LTBR: variants seen among roughly 807,000 people sequenced by gnomAD.
The protein encoded by LTBR is lymphotoxin beta receptor, also known as tumor necrosis factor receptor superfamily member 3.
LTBR carries 15 observed loss-of-function variants against 45.4 expected under a neutral mutation model. The ratio of observed to expected loss-of-function variants is 0.33; its 90% CI spans 0.22 to 0.51. The LOEUF (loss-of-function observed/expected upper bound fraction) is 0.51, where lower values mean the gene tolerates loss of function less well. Among genes scored for constraint, LTBR ranks in the 20% least tolerant of loss-of-function variants. LTBR has a pLI of 0.97. For synonymous variants in LTBR, 228 were observed against 231.0 expected, an observed-to-expected ratio of 0.99 and a Z score of 0.12; for missense variants, 450 against 565.5, an observed-to-expected ratio of 0.80 and a Z score of 2.07.
At chr12:6,390,578 C>A in intron 9 of LTBR, 82 bp from the exon 10 acceptor site, 1 of 1,387,362 alleles carries the variant, frequency 7.2e-7, no homozygotes, top group Non-Finnish European at 9.7e-7. Flanking sequence ...AGGGGAAAGG[C>A]GAGAAGAAGG....
chr12:6,385,270 G>C lies in LTBR; in HGVS notation c.363G>C (p.Lys121Asn). 6.2e-7 allele frequency: 1 copy of C among 1,614,092 alleles called. No individual in the cohort carries two copies. The highest frequency in any genetic ancestry group is 8.5e-7 in the Non-Finnish European group (1 of 1,180,022). The change falls in exon 4 of 10, where the codon AAG (lysine) becomes AAC (asparagine). Residue 121 changes from lysine to asparagine, a missense_variant. Coordinates refer to ENST00000228918, the MANE Select transcript of LTBR (RefSeq NM_002342.3). ...TTGCCCCCTGCACAAGCAAACGGAA[G>C]ACCCAGTGCCGCTGCCAGCCGGGAA... Reference protein sequence around the residue: ...EEIAPCTSKRKTQCRCQPGMF... With the variant: ...EEIAPCTSKRNTQCRCQPGMF...
At chr12:6,384,861 G>A (rs1949020635) in intron 2 of LTBR, 161 bp from the exon 3 acceptor site, 3 of 1,044,748 alleles carry the variant, frequency 2.9e-6, no homozygotes, top group African/African-American at 1.6e-5. Context: ...TCCCCACTGG[G>A]CCTCCTCTTT....
At position 6,388,907 on chromosome 12, in the gene LTBR, C is replaced by T; in HGVS notation, c.801+82C>T. ...GTGGAGCAGACAGGAAGAGAGTATG[C>T]AGGCTGACTCCACACTCATTCATTC... On this transcript the variant is annotated intron_variant, in intron 8 of 9. Coordinates refer to ENST00000228918, the MANE Select transcript of LTBR (RefSeq NM_002342.3). The surrounding 1 kb of genome is among the most constrained non-coding windows in gnomAD (Gnocchi z 4.3). 6.7e-7 allele frequency: 1 copy of T among 1,496,384 alleles called. No homozygotes were observed. The highest frequency in any genetic ancestry group is 9.3e-7 in the Non-Finnish European group (1 of 1,075,846). The allele number at this position is 1,496,384 out of a possible 1,614,324, so 92.7% of individuals were successfully genotyped here.
At chr12:6,376,286 C>T (rs1275371247) in intron 1 of LTBR, 1 of 650,968 alleles carries the variant, frequency 1.5e-6, no homozygotes, top group African/African-American at 2.0e-5. Context: ...CCGGGAGGGG[C>T]CCAGGTGAAG....
chr12:6,384,203 C>T lies in LTBR; in HGVS notation c.-156C>T. 1 of 1,317,130 alleles carries T rather than the reference C, an allele frequency of 7.6e-7. No individual in the cohort carries two copies. Among genetic ancestry groups the T allele is most frequent in the African/African-American group, 1.5e-5 (1 of 64,846 alleles). 81.6% of individuals were successfully genotyped at this position (1,317,130 alleles called of 1,614,324 possible). ...CTCCGCCATGGGAGCCCTGGAGGCCCGGCCTGGCCGCTCCCGGCCCTGGGG... is the reference window on the plus strand; with the variant it reads ...CTCCGCCATGGGAGCCCTGGAGGCCTGGCCTGGCCGCTCCCGGCCCTGGGG... On this transcript the variant is annotated 5_prime_UTR_variant, in exon 1 of 10. Transcript: ENST00000228918.
At chr12:6,384,728 C>T (rs1457696502) in intron 2 of LTBR, 44 bp downstream of exon 2, 1 of 1,569,488 alleles carries the variant, frequency 6.4e-7, no homozygotes, top group Non-Finnish European at 8.8e-7. Flanking sequence ...GGAAGTGGGT[C>T]ACGGGGGCTC....
chr12:6,390,815 C>A lies in LTBR; in HGVS notation c.1186C>A (p.Pro396Thr), dbSNP rs1949104883. The A allele has an allele frequency of 6.2e-7, 1 of 1,611,552 alleles. No individual in the cohort carries two copies. Among genetic ancestry groups the A allele is most frequent in the Non-Finnish European group, 8.5e-7 (1 of 1,178,712 alleles). ...CATTCCCGAAGAGGGGGACCCTGGC[C>A]CTCCCGGGCTCTCTACACCCCACCA... ...YPIPEEGDPGPPGLSTPHQED... is the reference protein window; with the variant it reads ...YPIPEEGDPGTPGLSTPHQED... The change falls in exon 10 of 10, where the codon CCT becomes ACT. Residue 396 changes from proline (P) to threonine (T), a missense_variant. Physicochemically the swap from Pro to Thr is conservative, Grantham distance 38 (BLOSUM62 -1). This residue lies in a region of LTBR where 71 missense variants were observed against 90.4 expected (regional missense o/e 0.79). Coordinates refer to ENST00000228918, the MANE Select transcript of LTBR (RefSeq NM_002342.3).
chr12:6,390,213 T>C lies in LTBR; in HGVS notation c.903T>C (p.Val301=). Residue 301 remains valine, a synonymous_variant, in exon 9 of 10, where the codon GTT becomes GTC. Transcript: ENST00000228918. ...VQPLLPISGD[V]SPVSTGLPAA... ...CACTGCTACCCATTTCTGGAGATGTTTCCCCAGTATCCACTGGGCTCCCCG... is the reference window on the plus strand; with the variant it reads ...CACTGCTACCCATTTCTGGAGATGTCTCCCCAGTATCCACTGGGCTCCCCG... 1 of 1,614,050 alleles carries C rather than the reference T, an allele frequency of 6.2e-7. No homozygotes were observed. Among genetic ancestry groups the C allele is most frequent in the Non-Finnish European group, 8.5e-7 (1 of 1,179,974 alleles).
chr12:6,386,134 C>G lies in LTBR; in HGVS notation c.541C>G (p.Pro181Ala). Reference protein sequence around the residue: ...KAGHFQNTSSPSARCQPHTRC... With the variant: ...KAGHFQNTSSASARCQPHTRC... ...CGGGCACTTCCAGAATACCTCCTCC[C>G]CCAGCGCCCGCTGCCAGCCCCACAC... is the stretch of plus-strand genomic sequence containing the variant. The change falls in exon 5 of 10, where the codon CCC becomes GCC. Residue 181 changes from proline (P) to alanine (A), a missense_variant. Physicochemically the swap from Pro to Ala is conservative, Grantham distance 27. Around this residue, in one of 3 missense-constraint regions of LTBR, gnomAD observed 367 missense variants for 435.4 expected, o/e 0.84. Coordinates refer to ENST00000228918, the MANE Select transcript of LTBR (RefSeq NM_002342.3). The surrounding 1 kb of genome is among the most constrained non-coding windows in gnomAD (Gnocchi z 4.1). 3 of 1,613,664 alleles carry G rather than the reference C, an allele frequency of 1.9e-6. No homozygotes were observed. Among genetic ancestry groups the G allele is most frequent in the Non-Finnish European group, 2.5e-6 (3 of 1,179,700 alleles).
In LTBR at chr12:6,375,918, G is replaced by A. The variant is rs547756812; in HGVS notation, c.39+324G>A. ...GGAGACAATAGAGAGGGACAGCGAA[G>A]GACAGAGAGATAGGGATGGAGGAGG... On this transcript the variant is annotated intron_variant, in intron 1 of 9. Transcript: ENST00000539925. The A allele has an allele frequency of 2.0e-5, 23 of 1,159,514 alleles. 1 individual carries two copies. Among genetic ancestry groups the A allele is most frequent in the African/African-American group, 8.1e-5 (5 of 61,824 alleles). The allele number at this position is 1,159,514 out of a possible 1,614,324, so 71.8% of individuals were successfully genotyped here. A position where few individuals can be genotyped will look rare whatever the true frequency, so the allele number is the denominator to read the frequency against.
At position 6,386,430 on chromosome 12, in the gene LTBR, C is replaced by G. The variant is rs774580959; in HGVS notation, c.653C>G (p.Pro218Arg). 1.9e-6 allele frequency: 3 copies of G among 1,613,114 alleles called. No individual in the cohort carries two copies. The South Asian group carries it at 3.3e-5, about 18-fold the overall frequency. Residue 218 changes from proline (P) to arginine (R), a missense_variant, in exon 6 of 10, where the codon CCC becomes CGC. Around this residue, in one of 3 missense-constraint regions of LTBR, gnomAD observed 367 missense variants for 435.4 expected, o/e 0.84. Coordinates refer to ENST00000228918, the MANE Select transcript of LTBR (RefSeq NM_002342.3). This position sits in a 1 kb window ranked among gnomAD's most constrained non-coding sequence, Gnocchi z 4.1. ...TTCKNPLEPLPPEMSGTMLML... is the reference protein window; with the variant it reads ...TTCKNPLEPLRPEMSGTMLML... ...TGCAAAAATCCATTAGAGCCACTGCCCCCAGAGATGTCAGGTGAGGGACCA... is the reference window on the plus strand; with the variant it reads ...TGCAAAAATCCATTAGAGCCACTGCGCCCAGAGATGTCAGGTGAGGGACCA...
chr12:6,376,608 CT>C (rs1948914791), intron 1 of LTBR, among the ~76,000 whole-genome samples: 1 of 152,228 alleles, frequency 6.6e-6, no homozygotes. Context: ...TCCAAAATCT[CT>C]TTCCAAACTT....
chr12:6,376,516 G>T (rs576799283), intron 1 of LTBR, among the ~76,000 whole-genome samples: 2 of 152,360 alleles, frequency 1.3e-5, no homozygotes, highest in African/African-American at 4.8e-5. Context: ...TGTGGCCAGC[G>T]CTGGAAAGGA....
upstream of LTBR, among the ~76,000 whole-genome samples, chr12:6,383,578 G>A (rs1318927032): frequency 1.8e-4 from 28 of 152,196 alleles, no homozygotes; most frequent in Non-Finnish European, 4.4e-5. Context: ...ACAGGGAGCA[G>A]GGCAAGCTGC....
At chr12:6,377,313 A>G (rs1384801723) in intron 1 of LTBR, 3 of 1,520,628 alleles carry the variant, frequency 2.0e-6, no homozygotes, top group Admixed American at 2.0e-5. Context: ...TCATTGTCCT[A>G]ATGAAGAAAC....
chr12:6,378,959 G>T (rs530922292), intron 1 of LTBR, among the ~76,000 whole-genome samples: 3 of 152,068 alleles, frequency 2.0e-5, no homozygotes, highest in African/African-American at 7.2e-5. Context: ...GAAACCAGAG[G>T]GGCTGCCATG....
exon 1 of LTBR, chr12:6,375,557 T>C (rs1287195696): frequency 1.1e-5 from 17 of 1,529,664 alleles, no homozygotes; most frequent in East Asian, 2.5e-5. Context: ...CGGCCAGGGA[T>C]GGAAGCGACA....
At chr12:6,377,681 TC>T (rs755688386) in intron 1 of LTBR, 2 of 1,298,968 alleles carry the variant, frequency 1.5e-6, no homozygotes, top group Non-Finnish European at 1.0e-6. Context: ...GGCATGGTCC[TC>T]CCTGCAATAA....
intron 8 of LTBR, chr12:6,389,802 CAAA>C (rs71067110): frequency 0.015 from 1,597 of 103,948 alleles, no homozygotes; most frequent in East Asian, 0.065. Context: ...GACTCTGTCT[CAAA>C]AAAAAAAAAA....
Sources: allele counts gnomAD v4.1 joint callset (sites outside exome capture counted in the v4.1 genomes callset), GRCh38; gene constraint gnomAD v4.1.1; regional missense constraint gnomAD v4.1.1; non-coding constraint Gnocchi (gnomAD v3.1); transcripts MANE v1.5; gene names NCBI Gene and HGNC (gene_info 2026-07-23, HGNC 2026-07-21).